DGKB: variants seen among roughly 807,000 people sequenced by gnomAD.
DGKB encodes the protein 90 kDa diacylglycerol kinase.
Under a neutral mutation model 114.3 loss-of-function variants are expected in DGKB, and 67 were observed. The observed-to-expected ratio is 0.59, with a 90% CI of 0.48 to 0.72. DGKB has a LOEUF of 0.72. DGKB is among the 30% of genes least tolerant of loss of function. The pLI, the probability that DGKB is intolerant of heterozygous loss-of-function variation, is 0.00. For missense variants in DGKB, 907 were observed against 975.2 expected, an observed-to-expected ratio of 0.93 and a Z score of 0.93; for synonymous variants, 398 against 323.1, an observed-to-expected ratio of 1.23 and a Z score of -2.49.
intron 19 of DGKB, among the ~76,000 whole-genome samples, chr7:14,578,409 G>A (rs1799471246): frequency 6.6e-6 from 1 of 152,146 alleles, no homozygotes; most frequent in Admixed American, 6.5e-5. Flanking sequence ...GGAATCTACA[G>A]CACACAATTG....
Position 14,176,680 on chromosome 7 carries a change from A to G in DGKB, c.2304+159T>C, listed in dbSNP as rs150718298. 735 of 1,442,926 alleles carry G rather than the reference A, an allele frequency of 5.1e-4. 2 individuals are homozygous for G. In the African/African-American group the frequency reaches 9.4e-3, roughly 18 times the overall value. 89.4% of individuals were successfully genotyped at this position (1,442,926 alleles called of 1,614,324 possible). ...AAGGGTATATAATGTCTACAACCTA[A>G]ATGTAGTGGCTCTGACACACACATA... On this transcript the variant is annotated intron_variant, in intron 25 of 25. Coordinates refer to ENST00000402815, the MANE Select transcript of DGKB (RefSeq NM_001350709.2).
chr7:14,433,282 C>T (rs1277408786), intron 21 of DGKB, among the ~76,000 whole-genome samples: 1 of 152,148 alleles, frequency 6.6e-6, no homozygotes, highest in African/African-American at 2.4e-5. Flanking sequence ...TGCAGTTCAA[C>T]TCTTCTCAAT....
At chr7:14,886,660 A>G (rs1005460256) in intron 1 of DGKB, among the ~76,000 whole-genome samples, 1 of 151,874 alleles carries the variant, frequency 6.6e-6, no homozygotes, top group Non-Finnish European at 1.5e-5. Context: ...TACTGCAGTA[A>G]TCTGGGCTAA....
chr7:14,607,952 A>G (rs1300729798), intron 16 of DGKB, among the ~76,000 whole-genome samples: 1 of 151,954 alleles, frequency 6.6e-6, no homozygotes, highest in Non-Finnish European at 1.5e-5. Context: ...TCTATCCCCT[A>G]TATGAAACGG....
At chr7:14,788,974 C>A (rs751614440) in intron 2 of DGKB, among the ~76,000 whole-genome samples, 7 of 152,258 alleles carry the variant, frequency 4.6e-5, no homozygotes, top group Non-Finnish European at 7.3e-5. Context: ...GTCACAGGCA[C>A]TCCAGGCGTG....
At chr7:14,854,467 G>A (rs1025136395) in intron 1 of DGKB, among the ~76,000 whole-genome samples, 4 of 152,114 alleles carry the variant, frequency 2.6e-5, no homozygotes, top group African/African-American at 9.7e-5. Flanking sequence ...GTTATGGAGT[G>A]GGGGAGATGG....
intron 20 of DGKB, among the ~76,000 whole-genome samples, chr7:14,557,419 A>AT (rs949382746): frequency 2.6e-5 from 4 of 151,720 alleles, no homozygotes; most frequent in African/African-American, 4.8e-5. Context: ...TCTATTTGTC[A>AT]TTTTTTTAGG....
chr7:14,805,122 C>T (rs944499505), intron 2 of DGKB, among the ~76,000 whole-genome samples: 3 of 151,990 alleles, frequency 2.0e-5, no homozygotes, highest in African/African-American at 7.3e-5. Context: ...TTAGTTGTCT[C>T]CATTCAATCC....
intron 5 of DGKB, among the ~76,000 whole-genome samples, chr7:14,722,420 G>A (rs1829324887): frequency 6.6e-6 from 1 of 152,044 alleles, no homozygotes; most frequent in African/African-American, 2.4e-5. Context: ...CTTATGGCCT[G>A]ATAGCTCATT....
At chr7:14,729,273 C>T (rs546807497) in intron 5 of DGKB, among the ~76,000 whole-genome samples, 1 of 144,544 alleles carries the variant, frequency 6.9e-6, no homozygotes, top group Non-Finnish European at 1.6e-5. Flanking sequence ...CAGGCGCCTG[C>T]CACCACATCC....
chr7:14,569,805 G>C (rs1044246830), intron 20 of DGKB, among the ~76,000 whole-genome samples: 2 of 151,770 alleles, frequency 1.3e-5, no homozygotes, highest in Non-Finnish European at 2.9e-5. Flanking sequence ...TAAATTAATT[G>C]AATATTATAT....
intron 22 of DGKB, among the ~76,000 whole-genome samples, chr7:14,343,474 C>T (rs1242392052): frequency 6.6e-6 from 1 of 151,748 alleles, no homozygotes; most frequent in Non-Finnish European, 1.5e-5. Flanking sequence ...TCACCGTTTT[C>T]AAATATATTT....
intron 1 of DGKB, among the ~76,000 whole-genome samples, chr7:14,945,279 G>A (rs1249497696): frequency 6.6e-6 from 1 of 151,738 alleles, no homozygotes; most frequent in East Asian, 1.9e-4. Flanking sequence ...ATAAAAGCAG[G>A]CAAAACTCAT....
intron 21 of DGKB, among the ~76,000 whole-genome samples, chr7:14,417,871 G>T (rs1294249813): frequency 1.3e-5 from 2 of 151,466 alleles, no homozygotes; most frequent in African/African-American, 2.4e-5. Flanking sequence ...TAAAAAAGGA[G>T]AGAAAATAAA....
intron 21 of DGKB, among the ~76,000 whole-genome samples, chr7:14,381,722 G>C (rs761517363): frequency 5.9e-5 from 9 of 152,166 alleles, no homozygotes; most frequent in Non-Finnish European, 1.0e-4. Context: ...GCATCTACCT[G>C]CCTCAGCTTC....
At chr7:14,186,445 A>G (rs1367919251) in intron 23 of DGKB, among the ~76,000 whole-genome samples, 3 of 152,142 alleles carry the variant, frequency 2.0e-5, no homozygotes, top group South Asian at 4.1e-4. Context: ...CAGCCACTAT[A>G]AAAAAACAGT....
chr7:14,283,711 A>G (rs866062391), intron 23 of DGKB, among the ~76,000 whole-genome samples: 21 of 152,274 alleles, frequency 1.4e-4, no homozygotes, highest in African/African-American at 3.4e-4. Context: ...ATAACGCTGC[A>G]TATCTACAAC....
intron 23 of DGKB, among the ~76,000 whole-genome samples, chr7:14,238,788 A>G (rs1055247494): frequency 3.9e-5 from 6 of 152,032 alleles, no homozygotes; most frequent in African/African-American, 7.2e-5. Flanking sequence ...TATTATATCT[A>G]TGAGTACCTA....
At chr7:14,423,171 G>A (rs901503357) in intron 21 of DGKB, among the ~76,000 whole-genome samples, 3 of 151,856 alleles carry the variant, frequency 2.0e-5, no homozygotes, top group Non-Finnish European at 2.9e-5. Flanking sequence ...AAAACTATAC[G>A]GTAAGATAGC....
Sources: gnomAD v4.1 joint callset for allele counts (sites outside exome capture counted in the v4.1 genomes callset) on GRCh38, gnomAD v4.1.1 for gene constraint, MANE v1.5 for transcripts, NCBI Gene and HGNC (gene_info 2026-07-23, HGNC 2026-07-21) for gene names.